Variants in PLVAP observed in about 807,000 individuals in gnomAD.
PLVAP encodes the protein plasmalemma vesicle associated protein, also known as plasmalemma vesicle-associated protein.
A neutral mutation model predicts 43.1 loss-of-function variants in PLVAP; 34 were observed. The observed-to-expected ratio is 0.79, with a 90% CI of 0.60 to 1.05. The LOEUF (loss-of-function observed/expected upper bound fraction) is 1.05. Ranked by LOEUF, PLVAP falls within the 50% of genes least tolerant of loss-of-function variation. The probability of loss-of-function intolerance (pLI) is 0.00; values close to 1 mark genes in which losing one functional copy is unlikely to be tolerated. For synonymous variants in PLVAP, 241 were observed against 237.3 expected, an observed-to-expected ratio of 1.02 and a Z score of -0.14; for missense variants, 574 against 593.4, an observed-to-expected ratio of 0.97 and a Z score of 0.34.
chr19:17,352,893 C>T (rs2074491911), intron 5 of PLVAP, among the ~76,000 whole-genome samples: 1 of 152,210 alleles, frequency 6.6e-6, no homozygotes, highest in South Asian at 2.1e-4. Context: ...TTCAGGGCTC[C>T]ACCCCTCTGC....
chr19:17,366,430 C>T (rs2074550445), intron 1 of PLVAP, among the ~76,000 whole-genome samples: 1 of 152,006 alleles, frequency 6.6e-6, no homozygotes. Context: ...CCAGCCTGGG[C>T]AACATAGTGA....
intron 1 of PLVAP, among the ~76,000 whole-genome samples, chr19:17,376,124 G>C (rs1379912972): frequency 6.6e-6 from 1 of 152,052 alleles, no homozygotes; most frequent in Non-Finnish European, 1.5e-5. Flanking sequence ...GCTTCAGTGA[G>C]CTATGCTCAC....
intron 3 of PLVAP, 82 bp downstream of exon 3, chr19:17,365,204 A>C (rs1599575334): frequency 3.0e-6 from 4 of 1,341,084 alleles, no homozygotes; most frequent in Admixed American, 2.2e-5. Flanking sequence ...CTCAAAGCCA[A>C]CTCCAAGTTC....
In PLVAP at chr19:17,365,552, G is replaced by C. The variant is rs1232643329; in HGVS notation, c.913C>G (p.Gln305Glu). The change falls in exon 3 of 6, where the codon CAA (glutamine) becomes GAA (glutamate). Residue 305 changes from glutamine (Q) to glutamate (E), a missense_variant. Gln to Glu is a conservative substitution (Grantham distance 29). Coordinates refer to ENST00000252590, the MANE Select transcript of PLVAP (RefSeq NM_031310.3). ...ERVARENSDL[Q>E]RQKLEAQQGL... ...TGCTGGGCTTCCAGCTTCTGGCGTT[G>C]GAGGTCTGAGTTCTCGCGGGCCACG... 6.2e-7 allele frequency: 1 copy of C among 1,611,916 alleles called. No individual in the cohort carries two copies. Among genetic ancestry groups the C allele is most frequent in the South Asian group, 1.1e-5 (1 of 91,086 alleles).
At chr19:17,356,046 TG>T (rs1358095607) in intron 5 of PLVAP, among the ~76,000 whole-genome samples, 1 of 152,040 alleles carries the variant, frequency 6.6e-6, no homozygotes, top group Non-Finnish European at 1.5e-5. Flanking sequence ...CCATGGCTCA[TG>T]CCTGTAATCC....
chr19:17,376,097 G>A (rs2074594273), intron 1 of PLVAP, among the ~76,000 whole-genome samples: 1 of 151,908 alleles, frequency 6.6e-6, no homozygotes, highest in African/African-American at 2.4e-5. Context: ...AGGATTGCTG[G>A]AGCCCAGGAT....
chr19:17,351,950 AAT>A lies in PLVAP; in HGVS notation c.*410_*411del, dbSNP rs2074487149. The A allele has an allele frequency of 3.9e-6, 1 of 257,568 alleles. No homozygotes were observed. Among genetic ancestry groups the A allele is most frequent in the Non-Finnish European group, 7.5e-6 (1 of 132,692 alleles). The allele number at this position is 257,568 out of a possible 1,614,324, so 16.0% of individuals were successfully genotyped here. ...GCCATCGCCGCGTCTGTGTGACATT[AAT>A]ATGTGTGACGTCGACATGGCCCGTG... On this transcript the variant is annotated 3_prime_UTR_variant, in exon 6 of 6. Coordinates refer to ENST00000252590, the MANE Select transcript of PLVAP (RefSeq NM_031310.3).
At chr19:17,372,926 C>A (rs1206063150) in intron 1 of PLVAP, among the ~76,000 whole-genome samples, 1 of 150,228 alleles carries the variant, frequency 6.7e-6, no homozygotes, top group East Asian at 2.0e-4. Context: ...ATTAGCAGGG[C>A]ATGTTGGCGG....
At chr19:17,354,769 CCACCT>C (rs1309703016) in intron 5 of PLVAP, among the ~76,000 whole-genome samples, 2 of 149,488 alleles carry the variant, frequency 1.3e-5, no homozygotes, top group African/African-American at 4.9e-5. Context: ...GTGGTGGTGG[CCACCT>C]GTAGTCCCAG....
intron 1 of PLVAP, among the ~76,000 whole-genome samples, chr19:17,366,577 C>G (rs1175987841): frequency 1.3e-5 from 2 of 151,816 alleles, no homozygotes; most frequent in East Asian, 3.9e-4. Context: ...CATGCTACAA[C>G]ATGGATGAAC....
Position 17,365,356 on chromosome 19 carries a change from C to T in PLVAP, c.1109G>A (p.Arg370Lys), listed in dbSNP as rs560705260. The T allele has an allele frequency of 6.2e-7, 1 of 1,613,450 alleles. No individual in the cohort carries two copies. Among genetic ancestry groups the T allele is most frequent in the Non-Finnish European group, 8.5e-7 (1 of 1,180,032 alleles). Residue 370 changes from arginine (R) to lysine (K), a missense_variant, in exon 3 of 6, where the codon AGG becomes AAG. Arg to Lys is a conservative substitution (Grantham distance 26). Transcript: ENST00000252590. ...NLAKELEEKKREAEQLRMELA... is the reference protein window; with the variant it reads ...NLAKELEEKKKEAEQLRMELA... ...CTCCATCCTGAGCTGCTCCGCCTCC[C>T]TCTTCTTCTCTTCCAGCTCCTTGGC...
chr19:17,369,208 G>A (rs921963758), intron 1 of PLVAP, among the ~76,000 whole-genome samples: 4 of 150,882 alleles, frequency 2.7e-5, no homozygotes, highest in Non-Finnish European at 3.0e-5. Context: ...TTTTGAGACA[G>A]GGTTTTTTGC....
At chr19:17,362,656 A>C (rs557839788) in intron 3 of PLVAP, 1 of 152,364 alleles carries the variant, frequency 6.6e-6, no homozygotes, top group East Asian at 1.9e-4. Flanking sequence ...GCTTCAACTC[A>C]GTCCCGAAGC....
chr19:17,358,306 G>T (rs946966898), intron 5 of PLVAP, among the ~76,000 whole-genome samples: 4 of 151,628 alleles, frequency 2.6e-5, no homozygotes, highest in Admixed American at 1.3e-4. Context: ...AATGGAGCTG[G>T]ACATGATGCA....
At chr19:17,354,286 T>C (rs947879251) in intron 5 of PLVAP, among the ~76,000 whole-genome samples, 1 of 150,300 alleles carries the variant, frequency 6.7e-6, no homozygotes, top group African/African-American at 2.5e-5. Context: ...CAAGACTCTC[T>C]CAAAAAATAA....
At chr19:17,374,451 T>C (rs1298060649) in intron 1 of PLVAP, among the ~76,000 whole-genome samples, 1 of 151,800 alleles carries the variant, frequency 6.6e-6, no homozygotes, top group African/African-American at 2.4e-5. Flanking sequence ...GGTGAAAGAG[T>C]GAGACTCCAT....
At chr19:17,363,383 T>C (rs894268309) in intron 3 of PLVAP, among the ~76,000 whole-genome samples, 2 of 152,090 alleles carry the variant, frequency 1.3e-5, no homozygotes, top group African/African-American at 4.8e-5. Context: ...GCCAGGCTGG[T>C]CTCGAACTCC....
Position 17,353,195 on chromosome 19 carries a change from C to T in PLVAP, c.1323-827G>A, listed in dbSNP as rs375281802. ...CTTCCCTGGGGCCCGAGTGGCCTCACGTTCCTTGGTTGGCTCTGGGCCCTG... is the reference window on the plus strand; with the variant it reads ...CTTCCCTGGGGCCCGAGTGGCCTCATGTTCCTTGGTTGGCTCTGGGCCCTG... On this transcript the variant is annotated intron_variant, in intron 5 of 5. Coordinates refer to ENST00000252590, the MANE Select transcript of PLVAP (RefSeq NM_031310.3). Among the ~76,000 whole-genome samples, 15 of 152,314 alleles carry T rather than the reference C, an allele frequency of 9.8e-5. No homozygotes were observed. The East Asian group carries it at 1.4e-3, about 14-fold the overall frequency.
chr19:17,363,382 G>A (rs1057370131), intron 3 of PLVAP, among the ~76,000 whole-genome samples: 2 of 152,112 alleles, frequency 1.3e-5, no homozygotes, highest in African/African-American at 4.8e-5. Context: ...GGCCAGGCTG[G>A]TCTCGAACTC....
Sources: allele counts gnomAD v4.1 joint callset (sites outside exome capture counted in the v4.1 genomes callset), GRCh38; gene constraint gnomAD v4.1.1; transcripts MANE v1.5; gene names NCBI Gene and HGNC (gene_info 2026-07-23, HGNC 2026-07-21).